Variants in KANK1 observed in about 807,000 individuals in gnomAD.
KANK1 encodes KN motif and ankyrin repeat domain-containing protein 1.
KANK1 carries 109 observed loss-of-function variants against 106.2 expected under a neutral mutation model. The ratio of observed to expected loss-of-function variants is 1.03; its 90% CI spans 0.88 to 1.20. KANK1 has a LOEUF of 1.20. Ranked by LOEUF, KANK1 falls within the 50% of genes most tolerant of loss-of-function variation. KANK1 has a pLI of 0.00. For synonymous variants in KANK1, 873 were observed against 652.2 expected, an observed-to-expected ratio of 1.34 and a Z score of -5.16; for missense variants, 2,399 against 1,710.7, an observed-to-expected ratio of 1.40 and a Z score of -7.10.
At chr9:739,451 A>C (rs1380741403) in intron 8 of KANK1, among the ~76,000 whole-genome samples, 1 of 152,206 alleles carries the variant, frequency 6.6e-6, no homozygotes, top group African/African-American at 2.4e-5. Flanking sequence ...AAGCAGATTT[A>C]TCCTTCCTTT....
chr9:525,732 G>A (rs1264595662), intron 1 of KANK1, among the ~76,000 whole-genome samples: 1 of 151,480 alleles, frequency 6.6e-6, no homozygotes, highest in Non-Finnish European at 1.5e-5. Context: ...TTTTATTTAA[G>A]GAGGCATGTG....
chr9:509,080 A>C (rs1007277509), intron 1 of KANK1, among the ~76,000 whole-genome samples: 1 of 152,166 alleles, frequency 6.6e-6, no homozygotes, highest in Non-Finnish European at 1.5e-5. Context: ...GAGTTTGGCA[A>C]ATGGACAAAA....
intron 1 of KANK1, among the ~76,000 whole-genome samples, chr9:587,033 G>C (rs1194001881): frequency 1.3e-5 from 2 of 152,102 alleles, no homozygotes; most frequent in African/African-American, 4.8e-5. Context: ...TCACTATACT[G>C]GATGGACTTC....
chr9:575,064 T>A (rs1168406715), intron 1 of KANK1, among the ~76,000 whole-genome samples: 1 of 152,126 alleles, frequency 6.6e-6, no homozygotes, highest in Non-Finnish European at 1.5e-5. Context: ...CAGAAAAAGA[T>A]CCTGGGCTTC....
chr9:693,557 T>C (rs1820496427), intron 2 of KANK1: 1 of 985,324 alleles, frequency 1.0e-6, no homozygotes, highest in Non-Finnish European at 1.2e-6. Context: ...CAGTTTTGTT[T>C]GTTGGTAATT....
intron 2 of KANK1, among the ~76,000 whole-genome samples, chr9:681,954 T>C (rs181898349): frequency 6.6e-6 from 1 of 152,314 alleles, no homozygotes; most frequent in African/African-American, 2.4e-5. Flanking sequence ...GATACATATT[T>C]ATTTATTAAA....
intron 1 of KANK1, among the ~76,000 whole-genome samples, chr9:513,711 G>A (rs959603882): frequency 2.6e-5 from 4 of 152,104 alleles, no homozygotes; most frequent in African/African-American, 9.7e-5. Context: ...AATTCTGACT[G>A]GTTCACCCTT....
intron 1 of KANK1, among the ~76,000 whole-genome samples, chr9:563,122 C>G (rs1055368268): frequency 6.6e-6 from 1 of 151,708 alleles, no homozygotes. Flanking sequence ...AAGATGGAAC[C>G]AAGCCTGTGT....
intron 1 of KANK1, among the ~76,000 whole-genome samples, chr9:551,608 C>A (rs2061286142): frequency 6.6e-6 from 1 of 152,170 alleles, no homozygotes; most frequent in Non-Finnish European, 1.5e-5. Context: ...TGGTTACTCT[C>A]ACCTGTGCTC....
At chr9:718,358 G>T (rs1828328637) in intron 3 of KANK1, among the ~76,000 whole-genome samples, 1 of 135,954 alleles carries the variant, frequency 7.4e-6, no homozygotes, top group South Asian at 2.6e-4. Context: ...TGTCACCCAG[G>T]CTAGAGTGCA....
intron 3 of KANK1, among the ~76,000 whole-genome samples, chr9:481,464 A>C (rs1004529102): frequency 6.6e-6 from 1 of 152,218 alleles, no homozygotes; most frequent in Admixed American, 6.5e-5. Flanking sequence ...ACTTTTATCT[A>C]ATAAGAGCCA....
At chr9:662,150 C>G (rs1843470588) in intron 1 of KANK1, among the ~76,000 whole-genome samples, 1 of 152,180 alleles carries the variant, frequency 6.6e-6, no homozygotes, top group Admixed American at 6.5e-5. Flanking sequence ...AGGAGAAGTA[C>G]AAACCACTGC....
chr9:627,718 A>G (rs1834695857), intron 1 of KANK1, among the ~76,000 whole-genome samples: 1 of 152,148 alleles, frequency 6.6e-6, no homozygotes. Flanking sequence ...CAGAGGGTGG[A>G]TGGGAGAGTG....
intron 1 of KANK1, among the ~76,000 whole-genome samples, chr9:629,715 A>G (rs1835214559): frequency 6.6e-6 from 1 of 152,212 alleles, no homozygotes; most frequent in Non-Finnish European, 1.5e-5. Flanking sequence ...CTATAGTACA[A>G]ACGTGTTGGA....
At chr9:701,167 G>T (rs565538404) in intron 2 of KANK1, among the ~76,000 whole-genome samples, 2 of 152,268 alleles carry the variant, frequency 1.3e-5, no homozygotes, top group East Asian at 3.9e-4. Flanking sequence ...AGGCTGGAGT[G>T]CAATGTCATG....
At chr9:535,349 G>C (rs1195127211) in intron 1 of KANK1, among the ~76,000 whole-genome samples, 1 of 152,114 alleles carries the variant, frequency 6.6e-6, no homozygotes, top group Non-Finnish European at 1.5e-5. Context: ...CCTGGGAGAA[G>C]AGTCCTCGGG....
chr9:509,328 C>T (rs770512132), intron 1 of KANK1, among the ~76,000 whole-genome samples: 5 of 152,154 alleles, frequency 3.3e-5, no homozygotes, highest in Non-Finnish European at 7.4e-5. Flanking sequence ...CATCTCCTGA[C>T]CTCGTGATCC....
chr9:560,751 A>G (rs1352322236), intron 1 of KANK1, among the ~76,000 whole-genome samples: 1 of 151,160 alleles, frequency 6.6e-6, no homozygotes, highest in Non-Finnish European at 1.5e-5. Flanking sequence ...GAGGGAAGCT[A>G]ACCAACTGGA....
At chr9:687,117 A>G (rs1818762177) in intron 2 of KANK1, among the ~76,000 whole-genome samples, 1 of 152,054 alleles carries the variant, frequency 6.6e-6, no homozygotes, top group South Asian at 2.1e-4. Context: ...CCATAGAAAT[A>G]CTTCAATTCA....
Sources: gnomAD v4.1 joint callset for allele counts (sites outside exome capture counted in the v4.1 genomes callset) on GRCh38, gnomAD v4.1.1 for gene constraint, MANE v1.5 for transcripts, NCBI Gene and HGNC (gene_info 2026-07-23, HGNC 2026-07-21) for gene names.